STRADB: variants seen among roughly 807,000 people sequenced by gnomAD.
The protein encoded by STRADB is STE20-related kinase adapter protein beta.
Under a neutral mutation model 52.1 loss-of-function variants are expected in STRADB, and 34 were observed. The observed-to-expected ratio is 0.65, with a 90% CI of 0.50 to 0.87. The LOEUF (loss-of-function observed/expected upper bound fraction) is 0.87. Ranked by LOEUF, STRADB falls within the 40% of genes least tolerant of loss-of-function variation. The pLI, the probability that STRADB is intolerant of heterozygous loss-of-function variation, is 0.00. For synonymous variants in STRADB, 133 were observed against 174.5 expected (o/e 0.76, Z 1.87); for missense variants, 340 against 483.9 (o/e 0.70, Z 2.79).
In STRADB at chr2:201,458,852, C is replaced by G; in HGVS notation, c.81C>G (p.Ile27Met). 6.2e-7 allele frequency: 1 copy of G among 1,613,548 alleles called. No homozygotes were observed. The highest frequency in any genetic ancestry group is 8.5e-7 in the Non-Finnish European group (1 of 1,179,722). The change falls in exon 3 of 12, where the codon ATC becomes ATG. Residue 27 changes from isoleucine to methionine, a missense_variant. Coordinates refer to ENST00000194530, the MANE Select transcript of STRADB (RefSeq NM_018571.6). ...CTGAAAAACAGTCTGAAACCAGTAT[C>G]CATCAATACTTGGTAAGAAAATGGT... ...LRPEKQSETS[I>M]HQYLVDEPTL...
intron 4 of STRADB, 48 bp from the exon 5 acceptor site, chr2:201,472,907 T>C: frequency 6.5e-7 from 1 of 1,528,300 alleles, no homozygotes; most frequent in Non-Finnish European, 8.8e-7. Flanking sequence ...AAATTGTCAG[T>C]TTTTTTTCTT....
At chr2:201,475,532 T>A in intron 6 of STRADB, 87 bp from the exon 7 acceptor site, 2 of 1,504,516 alleles carry the variant, frequency 1.3e-6, no homozygotes, top group Non-Finnish European at 1.8e-6. Context: ...GGTATGTTTG[T>A]GTTTATGGTT....
At chr2:201,452,318 C>T (rs1026304231) in intron 1 of STRADB, among the ~76,000 whole-genome samples, 2 of 152,220 alleles carry the variant, frequency 1.3e-5, no homozygotes, top group African/African-American at 2.4e-5. Flanking sequence ...AAGACACCCT[C>T]AGACCCCAGC....
chr2:201,466,325 A>G lies in STRADB; in HGVS notation c.94-3628A>G, dbSNP rs555014953. 3.6e-4 allele frequency among the ~76,000 whole-genome samples: 55 copies of G among 152,330 alleles called. 2 individuals are homozygous for G. In the South Asian group the frequency reaches 0.011, roughly 32 times the overall value. Reference sequence around the variant, plus strand: ...TCAGGTTGGAGCCTTTTTATAATTTAAGGATTGAAATGTCACATCTCTCTC... The same window carrying G: ...TCAGGTTGGAGCCTTTTTATAATTTGAGGATTGAAATGTCACATCTCTCTC... On this transcript the variant is annotated intron_variant, in intron 3 of 11. Transcript: ENST00000194530.
chr2:201,453,398 G>C (rs1952080181), intron 1 of STRADB, among the ~76,000 whole-genome samples: 1 of 151,914 alleles, frequency 6.6e-6, no homozygotes, highest in Non-Finnish European at 1.5e-5. Flanking sequence ...AAGTGGCCAG[G>C]GTCTTGTCTG....
Position 201,474,013 on chromosome 2 carries a change from C to A in STRADB, c.316-634C>A, listed in dbSNP as rs1349125446. On this transcript the variant is annotated intron_variant, in intron 5 of 11. Coordinates refer to ENST00000194530, the MANE Select transcript of STRADB (RefSeq NM_018571.6). ...TCACGCCATTCTCCTGCCCCAGCCT[C>A]CCGAGTAGCTGGGACTACAGGCGCC... Among the ~76,000 whole-genome samples the A allele has an allele frequency of 4.0e-5, 6 of 151,874 alleles. No individual in the cohort carries two copies. The South Asian group carries it at 1.2e-3, about 32-fold the overall frequency.
rs557170817 is a variant in STRADB, at chr2:201,469,378, A to G, written c.94-575A>G. 7.6e-4 allele frequency among the ~76,000 whole-genome samples: 115 copies of G among 152,302 alleles called. 2 individuals are homozygous for G. The South Asian group carries it at 0.023, about 31-fold the overall frequency. On this transcript the variant is annotated intron_variant, in intron 3 of 11. Transcript: ENST00000194530. ...GCAAACCTGACTCTCACTCCAAAGC[A>G]CACCATGAGACCTCCTATCAGTACT...
At chr2:201,460,728 G>T in intron 3 of STRADB, 2 of 271,568 alleles carry the variant, frequency 7.4e-6, no homozygotes, top group South Asian at 3.5e-5. Context: ...GTATTCCATT[G>T]TACATATGTA....
intron 5 of STRADB, 170 bp from the exon 6 acceptor site, chr2:201,474,475 CAT>C (rs1486364743): frequency 3.8e-6 from 2 of 520,366 alleles, no homozygotes; most frequent in East Asian, 3.6e-5. Flanking sequence ...AAATGGGAAT[CAT>C]AATATCACAT....
intron 3 of STRADB, among the ~76,000 whole-genome samples, chr2:201,466,796 T>G (rs781001891): frequency 6.6e-6 from 1 of 152,210 alleles, no homozygotes; most frequent in East Asian, 1.9e-4. Flanking sequence ...GGCCATCTGG[T>G]CTAATTTTCA....
intron 4 of STRADB, 29 bp from the exon 5 acceptor site, chr2:201,472,926 A>G (rs1952413530): frequency 6.4e-7 from 1 of 1,550,912 alleles, no homozygotes. Flanking sequence ...TTCTTTGGTT[A>G]CTAACATGAG....
chr2:201,460,466 A>G (rs1408968620), intron 3 of STRADB, among the ~76,000 whole-genome samples: 1 of 152,186 alleles, frequency 6.6e-6, no homozygotes, highest in Admixed American at 6.5e-5. Context: ...ATGTTATCAA[A>G]TACTAGATCT....
chr2:201,477,820 T>C, intron 8 of STRADB, 30 bp downstream of exon 8: 1 of 1,603,074 alleles, frequency 6.2e-7, no homozygotes, highest in South Asian at 1.1e-5. Context: ...TTGGGTTGTC[T>C]GTGTCTCAAG....
intron 3 of STRADB, among the ~76,000 whole-genome samples, chr2:201,461,582 A>C (rs1051912948): frequency 6.6e-6 from 1 of 152,218 alleles, no homozygotes; most frequent in Non-Finnish European, 1.5e-5. Flanking sequence ...TATTCTGGTT[A>C]TTAATCCCTT....
At chr2:201,456,835 G>A (rs563852611) in intron 2 of STRADB, among the ~76,000 whole-genome samples, 3 of 152,312 alleles carry the variant, frequency 2.0e-5, no homozygotes, top group Non-Finnish European at 2.9e-5. Flanking sequence ...AAGTTCAGAG[G>A]AAACCAGGCA....
chr2:201,468,854 G>T (rs192973074), intron 3 of STRADB, among the ~76,000 whole-genome samples: 9 of 152,268 alleles, frequency 5.9e-5, no homozygotes, highest in African/African-American at 1.9e-4. Context: ...TTTATCTGAA[G>T]ACTACCTGTT....
At chr2:201,470,325 G>A (rs1952369869) in intron 4 of STRADB, among the ~76,000 whole-genome samples, 1 of 152,106 alleles carries the variant, frequency 6.6e-6, no homozygotes, top group African/African-American at 2.4e-5. Context: ...GTTTATTGTG[G>A]GAAGCATCTA....
intron 3 of STRADB, among the ~76,000 whole-genome samples, chr2:201,464,625 C>T (rs562824207): frequency 2.6e-5 from 4 of 152,210 alleles, no homozygotes; most frequent in African/African-American, 2.4e-5. Context: ...ACCAAGGGCT[C>T]TTCAGTCACC....
intron 10 of STRADB, 54 bp downstream of exon 10, chr2:201,478,655 G>A: frequency 6.4e-7 from 1 of 1,571,090 alleles, no homozygotes; most frequent in Non-Finnish European, 8.6e-7. Context: ...ACATTTTATA[G>A]AAGCTTTGTA....
Sources: gnomAD v4.1 joint callset for allele counts (sites outside exome capture counted in the v4.1 genomes callset) on GRCh38, gnomAD v4.1.1 for gene constraint, MANE v1.5 for transcripts, NCBI Gene and HGNC (gene_info 2026-07-23, HGNC 2026-07-21) for gene names.